The following BCAS3 variants were observed in gnomAD, a reference collection of about 807,000 sequenced individuals.
BCAS3 encodes BCAS4/BCAS3 fusion.
A neutral mutation model predicts 116.1 loss-of-function variants in BCAS3; 53 were observed. The observed-to-expected ratio is 0.46, with a 90% CI of 0.37 to 0.57. BCAS3 has a LOEUF of 0.57. BCAS3 is among the 20% of genes least tolerant of loss of function. BCAS3 has a pLI of 0.00. For synonymous variants in BCAS3, 391 were observed against 408.2 expected (o/e 0.96, Z 0.51); for missense variants, 917 against 1,165.4 (o/e 0.79, Z 3.10).
At chr17:60,862,850 C>G (rs1253882535) in intron 7 of BCAS3, among the ~76,000 whole-genome samples, 2 of 152,098 alleles carry the variant, frequency 1.3e-5, no homozygotes, top group South Asian at 4.1e-4. Context: ...TTTATTTTTT[C>G]ATAACATGGC....
Position 61,215,474 on chromosome 17 carries a change from T to C in BCAS3, c.2425+130910T>C, listed in dbSNP as rs561916789. Among the ~76,000 whole-genome samples, 3 of 152,320 alleles carry C rather than the reference T, an allele frequency of 2.0e-5. No individual in the cohort carries two copies. Among genetic ancestry groups the C allele is most frequent in the African/African-American group, 7.2e-5 (3 of 41,582 alleles). ...TTGTAGTAATTCTATGATATATTACTTGAAGAACAGAGGCAACATTTAAAT... is the reference window on the plus strand; with the variant it reads ...TTGTAGTAATTCTATGATATATTACCTGAAGAACAGAGGCAACATTTAAAT... On this transcript the variant is annotated intron_variant, in intron 22 of 23. Transcript: ENST00000407086. This position sits in a 1 kb window ranked among gnomAD's most constrained non-coding sequence, Gnocchi z 4.8.
At chr17:60,820,836 A>G (rs1568322443) in intron 7 of BCAS3, among the ~76,000 whole-genome samples, 1 of 152,188 alleles carries the variant, frequency 6.6e-6, no homozygotes, top group Non-Finnish European at 1.5e-5. Context: ...GCCATGAAAA[A>G]CATGATTTCT....
At chr17:61,125,538 A>C (rs943612232) in intron 22 of BCAS3, among the ~76,000 whole-genome samples, 1 of 152,202 alleles carries the variant, frequency 6.6e-6, no homozygotes, top group African/African-American at 2.4e-5. Flanking sequence ...ATTGACAAAA[A>C]AAATTTTTAT....
rs964964205 is a variant in BCAS3, at chr17:61,227,284, A to G, written c.2426-141043A>G. On this transcript the variant is annotated intron_variant, in intron 22 of 23. Transcript: ENST00000407086. This position sits in a 1 kb window ranked among gnomAD's most constrained non-coding sequence, Gnocchi z 6.1. The stretch of plus-strand genomic sequence containing the variant: ...GAAAAAAATGCAGATACTCATACAT[A>G]TACAATGTCGCATGTGCTTTCAGGG... Among the ~76,000 whole-genome samples the G allele has an allele frequency of 6.6e-6, 1 of 152,180 alleles. No individual in the cohort carries two copies. Among genetic ancestry groups the G allele is most frequent in the African/African-American group, 2.4e-5 (1 of 41,438 alleles).
chr17:61,176,138 C>CAAAAAAAAAAAAAAAAAA (rs534042215), intron 22 of BCAS3, among the ~76,000 whole-genome samples: 4 of 50,046 alleles, frequency 8.0e-5, no homozygotes, highest in Admixed American at 2.5e-4. Context: ...GACCCTATCT[C>CAAAAAAAAAAAAAAAAAA]AAAAAAAAAA....
chr17:61,291,759 T>C (rs1035858560), intron 22 of BCAS3, among the ~76,000 whole-genome samples: 1 of 152,122 alleles, frequency 6.6e-6, no homozygotes, highest in Non-Finnish European at 1.5e-5. Context: ...TAGCTGGAAA[T>C]GGATTTGGAG....
At chr17:60,830,960 C>A (rs535346174) in intron 7 of BCAS3, among the ~76,000 whole-genome samples, 97 of 151,826 alleles carry the variant, frequency 6.4e-4, no homozygotes, top group Admixed American at 4.9e-3. Context: ...CAACATTTGA[C>A]CCTCGGGCTC....
chr17:61,146,293 T>G (rs965577393), intron 22 of BCAS3, among the ~76,000 whole-genome samples: 5 of 150,530 alleles, frequency 3.3e-5, no homozygotes, highest in Admixed American at 3.3e-4. Context: ...TTTTTTGGTG[T>G]TTTTTGTAGA....
intron 9 of BCAS3, among the ~76,000 whole-genome samples, chr17:60,881,415 T>C (rs187631179): frequency 6.6e-6 from 1 of 152,198 alleles, no homozygotes; most frequent in Non-Finnish European, 1.5e-5. Context: ...TTACAGTATT[T>C]CATTCTAAGA....
At chr17:60,683,843 AAAC>A in intron 2 of BCAS3, 136 bp from the exon 3 acceptor site, 1 of 755,714 alleles carries the variant, frequency 1.3e-6, no homozygotes. Context: ...AAACAAAACA[AAAC>A]AAAACAAACA....
chr17:61,061,041 A>G (rs895193628), intron 19 of BCAS3, among the ~76,000 whole-genome samples: 6 of 152,138 alleles, frequency 3.9e-5, no homozygotes, highest in Admixed American at 1.3e-4. Context: ...GCTTTCCCCT[A>G]TCCTCTCGGT....
intron 6 of BCAS3, among the ~76,000 whole-genome samples, chr17:60,802,349 C>A (rs1380426647): frequency 1.5e-5 from 2 of 131,368 alleles, no homozygotes; most frequent in African/African-American, 7.6e-5. Context: ...AATACAAATA[C>A]ACACACATAC....
intron 7 of BCAS3, among the ~76,000 whole-genome samples, chr17:60,823,331 G>GT (rs1203753997): frequency 6.6e-6 from 1 of 152,140 alleles, no homozygotes; most frequent in Non-Finnish European, 1.5e-5. Flanking sequence ...TGAAAAAAGG[G>GT]TGAGGGGAAT....
intron 19 of BCAS3, among the ~76,000 whole-genome samples, chr17:61,070,844 T>G (rs2071358080): frequency 6.6e-6 from 1 of 152,208 alleles, no homozygotes; most frequent in Non-Finnish European, 1.5e-5. Flanking sequence ...ACTTACTGAT[T>G]TCTTTGTATG....
At chr17:60,768,430 A>G (rs8082617) in intron 6 of BCAS3, among the ~76,000 whole-genome samples, 41,688 of 151,992 alleles carry the variant, frequency 0.27, 11,424 homozygotes, top group African/African-American at 0.71. Flanking sequence ...GACTGGCCTA[A>G]CCTCCCAGCC....
intron 5 of BCAS3, among the ~76,000 whole-genome samples, chr17:60,737,405 T>C (rs1428126844): frequency 3.3e-5 from 5 of 152,204 alleles, no homozygotes; most frequent in African/African-American, 1.2e-4. Flanking sequence ...TTCTGCTCTA[T>C]TTTGTATTAT....
At chr17:61,290,996 G>A (rs1431366638) in intron 22 of BCAS3, among the ~76,000 whole-genome samples, 1 of 152,134 alleles carries the variant, frequency 6.6e-6, no homozygotes, top group Non-Finnish European at 1.5e-5. Flanking sequence ...TAGCCAGGAT[G>A]ATCTCGATCT....
At chr17:61,341,093 G>T (rs2057120761) in intron 22 of BCAS3, among the ~76,000 whole-genome samples, 1 of 152,168 alleles carries the variant, frequency 6.6e-6, no homozygotes, top group African/African-American at 2.4e-5. Flanking sequence ...CTGTTAGAGT[G>T]GCAGTGAAGC....
chr17:60,804,423 G>C (rs938094886), intron 6 of BCAS3, among the ~76,000 whole-genome samples: 2 of 152,052 alleles, frequency 1.3e-5, no homozygotes, highest in Non-Finnish European at 2.9e-5. Context: ...AGAGGTTGCA[G>C]TGTGCCGAGA....
Sources: allele counts gnomAD v4.1 joint callset (sites outside exome capture counted in the v4.1 genomes callset), GRCh38; gene constraint gnomAD v4.1.1; non-coding constraint Gnocchi (gnomAD v3.1); transcripts MANE v1.5; gene names NCBI Gene and HGNC (gene_info 2026-07-23, HGNC 2026-07-21).